JARID2: variants seen among roughly 807,000 people sequenced by gnomAD.
JARID2 encodes protein Jumonji.
A neutral mutation model predicts 125.6 loss-of-function variants in JARID2; 21 were observed. The observed-to-expected ratio is 0.17, with a 90% CI of 0.12 to 0.24. The LOEUF (loss-of-function observed/expected upper bound fraction) is 0.24, where lower values mean the gene tolerates loss of function less well. Among genes scored for constraint, JARID2 ranks in the 10% least tolerant of loss-of-function variants. JARID2 has a pLI of 1.00. For synonymous variants in JARID2, 736 were observed against 661.6 expected (o/e 1.11, Z -1.73); for missense variants, 1,303 against 1,639.6 (o/e 0.79, Z 3.55).
At chr6:15,484,836 T>C (rs939361431) in intron 5 of JARID2, among the ~76,000 whole-genome samples, 1 of 152,064 alleles carries the variant, frequency 6.6e-6, no homozygotes, top group Non-Finnish European at 1.5e-5. Flanking sequence ...ACAGAGAAGT[T>C]TGGAGGAGTA....
intron 5 of JARID2, among the ~76,000 whole-genome samples, chr6:15,470,585 G>A (rs1205678929): frequency 1.3e-5 from 2 of 152,210 alleles, no homozygotes; most frequent in East Asian, 3.8e-4. Context: ...GTGTTTAGGT[G>A]ACACATCTGC....
At chr6:15,362,979 TGTG>T (rs779590136) in intron 1 of JARID2, among the ~76,000 whole-genome samples, 1 of 151,512 alleles carries the variant, frequency 6.6e-6, no homozygotes, top group Non-Finnish European at 1.5e-5. Context: ...TGGAGAGGGT[TGTG>T]GTGGGGAGGG....
In JARID2 at chr6:15,402,701, C is replaced by T. The variant is rs565597524; in HGVS notation, c.182-7523C>T. Among the ~76,000 whole-genome samples, 5 of 152,268 alleles carry T rather than the reference C, an allele frequency of 3.3e-5. No homozygotes were observed. The South Asian group carries it at 6.2e-4, about 19-fold the overall frequency. On this transcript the variant is annotated intron_variant, in intron 2 of 17. Transcript: ENST00000341776. ...CCTTGAGTCAGTTTTCTTCTGTAGG[C>T]GGCTTTTGACCTTGGAGGTGGTCAG...
At chr6:15,286,413 G>A (rs571341661) in intron 1 of JARID2, among the ~76,000 whole-genome samples, 1 of 151,486 alleles carries the variant, frequency 6.6e-6, no homozygotes, top group South Asian at 2.1e-4. Flanking sequence ...CACCACACCC[G>A]GCTAATTTTT....
intron 1 of JARID2, chr6:15,369,320 A>T (rs1764082771): frequency 2.1e-6 from 1 of 473,886 alleles, no homozygotes. Flanking sequence ...TTGTAAAAAA[A>T]ATTATGACCA....
At chr6:15,360,500 T>G (rs1227035885) in intron 1 of JARID2, among the ~76,000 whole-genome samples, 1 of 152,080 alleles carries the variant, frequency 6.6e-6, no homozygotes, top group Non-Finnish European at 1.5e-5. Context: ...CTTATTTTTA[T>G]GAGACAGGGT....
chr6:15,466,824 T>C (rs1306274380), intron 4 of JARID2, among the ~76,000 whole-genome samples: 1 of 152,240 alleles, frequency 6.6e-6, no homozygotes, highest in African/African-American at 2.4e-5. Context: ...CTCTTTTAAC[T>C]CCTGACTGTT....
At chr6:15,509,945 G>C (rs1258803227) in intron 12 of JARID2, among the ~76,000 whole-genome samples, 1 of 152,186 alleles carries the variant, frequency 6.6e-6, no homozygotes. Context: ...TAGAAACCCT[G>C]TATTTAAATT....
intron 5 of JARID2, 39 bp from the exon 6 acceptor site, chr6:15,487,268 A>AG (rs751132561): frequency 1.3e-6 from 2 of 1,554,470 alleles, no homozygotes; most frequent in South Asian, 2.3e-5. Flanking sequence ...GTAGTGGTCA[A>AG]GGTAGTGATT....
intron 6 of JARID2, among the ~76,000 whole-genome samples, chr6:15,494,438 CAAG>C (rs1304690882): frequency 3.3e-4 from 3 of 9,104 alleles, no homozygotes. Flanking sequence ...TTTTTTGAGA[CAAG>C]AGTCTCGCCC....
intron 1 of JARID2, among the ~76,000 whole-genome samples, chr6:15,325,910 A>G (rs902369422): frequency 6.6e-6 from 1 of 152,264 alleles, no homozygotes; most frequent in African/African-American, 2.4e-5. Context: ...AGACTTTTGC[A>G]GAAGTGGAAA....
chr6:15,359,714 CTT>C (rs112384616), intron 1 of JARID2, among the ~76,000 whole-genome samples: 2 of 144,440 alleles, frequency 1.4e-5, no homozygotes, highest in Admixed American at 6.9e-5. Flanking sequence ...TTTCTTTTTC[CTT>C]TTTTTTTTTT....
chr6:15,430,810 C>CAT (rs1374241081), intron 3 of JARID2, among the ~76,000 whole-genome samples: 1 of 152,186 alleles, frequency 6.6e-6, no homozygotes, highest in Admixed American at 6.5e-5. Flanking sequence ...AGTAACTGCA[C>CAT]ATGATCCAGA....
chr6:15,341,632 C>T (rs991569032), intron 1 of JARID2, among the ~76,000 whole-genome samples: 1 of 152,128 alleles, frequency 6.6e-6, no homozygotes, highest in Admixed American at 6.6e-5. Context: ...TAATACTGTA[C>T]TCTAGCAGTG....
At chr6:15,331,224 G>C (rs1001171326) in intron 1 of JARID2, among the ~76,000 whole-genome samples, 1 of 151,920 alleles carries the variant, frequency 6.6e-6, no homozygotes, top group Admixed American at 6.6e-5. Flanking sequence ...ACCCCAACTA[G>C]TTGGGTGTCT....
At chr6:15,297,036 T>A (rs1324865407) in intron 1 of JARID2, among the ~76,000 whole-genome samples, 1 of 152,266 alleles carries the variant, frequency 6.6e-6, no homozygotes, top group Non-Finnish European at 1.5e-5. Context: ...CTGCAGTCTT[T>A]CCAGTCTGTC....
intron 1 of JARID2, among the ~76,000 whole-genome samples, chr6:15,288,120 C>G (rs1265544517): frequency 6.6e-6 from 1 of 152,122 alleles, no homozygotes; most frequent in Non-Finnish European, 1.5e-5. Context: ...TTAGGCCATT[C>G]TTGGATTGCT....
chr6:15,408,193 A>AGCGGGTCTAGTTGCTGTGGAC (rs1765726841), intron 2 of JARID2, among the ~76,000 whole-genome samples: 1 of 152,136 alleles, frequency 6.6e-6, no homozygotes, highest in Non-Finnish European at 1.5e-5. Context: ...TCAAGGCTGC[A>AGCGGGTCTAGTTGCTGTGGAC]ATAAGCTATG....
intron 2 of JARID2, among the ~76,000 whole-genome samples, chr6:15,390,115 G>C (rs537802168): frequency 2.6e-5 from 4 of 152,260 alleles, no homozygotes; most frequent in African/African-American, 9.6e-5. Context: ...CTGTTTCAGA[G>C]AACAAGTTTC....
Sources: allele counts gnomAD v4.1 joint callset (sites outside exome capture counted in the v4.1 genomes callset), GRCh38; gene constraint gnomAD v4.1.1; transcripts MANE v1.5; gene names NCBI Gene and HGNC (gene_info 2026-07-23, HGNC 2026-07-21).